MEF2A: variants seen among roughly 807,000 people sequenced by gnomAD.
MEF2A encodes myocyte-specific enhancer factor 2A.
In MEF2A, 28 loss-of-function variants were observed where a neutral mutation model predicts 55.8. The observed-to-expected ratio is 0.50, with a 90% CI of 0.37 to 0.69. The LOEUF is 0.69. MEF2A is among the 30% of genes least tolerant of loss of function. The pLI is 0.00. For synonymous variants in MEF2A, 239 were observed against 227.1 expected (o/e 1.05, Z -0.47); for missense variants, 528 against 626.2 (o/e 0.84, Z 1.67).
rs113804630 is a variant in MEF2A, at chr15:99,657,612, T to G, written c.258+11848T>G. On this transcript the variant is annotated intron_variant, in intron 4 of 11. Transcript: ENST00000557942. ...TCATTTGCCCATCTGGATAAAGCAG[T>G]TTGTAAAACTGAGATTTGGGTTCTG... is the stretch of plus-strand genomic sequence containing the variant. 7.8e-4 allele frequency: 118 copies of G among 152,170 alleles called. 1 individual carries two copies. The highest frequency in any genetic ancestry group is 2.7e-3 in the African/African-American group (113 of 41,532). 9.4% of individuals were successfully genotyped at this position (152,170 alleles called of 1,614,324 possible).
intron 3 of MEF2A, among the ~76,000 whole-genome samples, chr15:99,635,702 A>G (rs1238182632): frequency 2.0e-5 from 3 of 152,202 alleles, no homozygotes; most frequent in East Asian, 1.9e-4. Context: ...CTTTCGCACA[A>G]TATTACATTT....
chr15:99,622,702 C>CTTTTTTTTTTT (rs56054040), intron 2 of MEF2A, among the ~76,000 whole-genome samples: 16 of 135,710 alleles, frequency 1.2e-4, no homozygotes, highest in Middle Eastern at 4.3e-3. Flanking sequence ...GTTTTCTTTT[C>CTTTTTTTTTTT]TTTTTTTTTT....
chr15:99,573,833 C>A (rs1963355609), intron 1 of MEF2A, among the ~76,000 whole-genome samples: 1 of 152,158 alleles, frequency 6.6e-6, no homozygotes, highest in African/African-American at 2.4e-5. Context: ...TACAAATAGG[C>A]TTTTGGAACA....
Position 99,675,763 on chromosome 15 carries a change from C to T in MEF2A, c.670+305C>T, listed in dbSNP as rs147818754. The stretch of plus-strand genomic sequence containing the variant: ...AATTAACATATTTGTCTTGGCCGGG[C>T]GTCGTGGCTCACACCTGTAATCCCA... On this transcript the variant is annotated intron_variant, in intron 7 of 11. Transcript: ENST00000557942. Among the ~76,000 whole-genome samples the T allele has an allele frequency of 3.2e-3, 492 of 152,260 alleles. 4 individuals are homozygous for T. Among genetic ancestry groups the T allele is most frequent in the African/African-American group, 0.011 (458 of 41,550 alleles).
chr15:99,682,421 G>A (rs527339644), intron 7 of MEF2A, among the ~76,000 whole-genome samples: 7 of 152,278 alleles, frequency 4.6e-5, no homozygotes, highest in Non-Finnish European at 8.8e-5. Context: ...TGTAGATACT[G>A]TAGTTCCTAG....
At chr15:99,657,048 A>C (rs1447231642) in intron 4 of MEF2A, among the ~76,000 whole-genome samples, 1 of 152,102 alleles carries the variant, frequency 6.6e-6, no homozygotes, top group Non-Finnish European at 1.5e-5. Context: ...ATATAGATGG[A>C]GTCATGCAAT....
rs2051534278 is a variant in MEF2A at position 99,674,565 on chromosome 15, A to T, written c.563A>T (p.Asn188Ile). 2 of 1,613,980 alleles carry T rather than the reference A, an allele frequency of 1.2e-6. No homozygotes were observed. Among genetic ancestry groups the T allele is most frequent in the South Asian group, 2.2e-5 (2 of 91,084 alleles). ...LSPPQTTLHR[N>I]VSPGAPQRPP... ...CCACCTCAAACCACATTACATAGAAATGTGTCTCCTGGAGCTCCTCAGAGA... is the reference window on the plus strand; with the variant it reads ...CCACCTCAAACCACATTACATAGAATTGTGTCTCCTGGAGCTCCTCAGAGA... The change falls in exon 6 of 12, where the codon AAT becomes ATT. Residue 188 changes from asparagine to isoleucine, a missense_variant. Asn to Ile is a moderately radical substitution (Grantham distance 149). Coordinates refer to ENST00000557942, the MANE Select transcript of MEF2A (RefSeq NM_001319206.4).
rs115933886 is a variant in MEF2A, at chr15:99,700,381, A to G, written c.859-2981A>G. ...ACAAAAATTAGTCGAGTGTGGTAGGATGCCCCCATAGTCCCAGCTACTTGG... is the reference window on the plus strand; with the variant it reads ...ACAAAAATTAGTCGAGTGTGGTAGGGTGCCCCCATAGTCCCAGCTACTTGG... On this transcript the variant is annotated intron_variant, in intron 8 of 11. Coordinates refer to ENST00000557942, the MANE Select transcript of MEF2A (RefSeq NM_001319206.4). Among the ~76,000 whole-genome samples the G allele has an allele frequency of 6.9e-3, 1,044 of 151,546 alleles. 11 individuals carry two copies. The highest frequency in any genetic ancestry group is 0.024 in the African/African-American group (992 of 41,340).
At chr15:99,589,978 G>A (rs998466510) in intron 1 of MEF2A, among the ~76,000 whole-genome samples, 6 of 152,160 alleles carry the variant, frequency 3.9e-5, no homozygotes, top group Non-Finnish European at 8.8e-5. Context: ...TTCTTATGTG[G>A]TTGGTTGTAG....
At chr15:99,673,489 A>T (rs2051284451) in intron 5 of MEF2A, among the ~76,000 whole-genome samples, 1 of 152,220 alleles carries the variant, frequency 6.6e-6, no homozygotes, top group Non-Finnish European at 1.5e-5. Flanking sequence ...ACTTTGAATT[A>T]GCAGTGTTAC....
chr15:99,616,282 A>T (rs977910222), intron 2 of MEF2A, among the ~76,000 whole-genome samples: 9 of 152,238 alleles, frequency 5.9e-5, no homozygotes, highest in Non-Finnish European at 1.0e-4. Context: ...TATCCATTTT[A>T]TAATATCTGC....
chr15:99,682,443 G>A (rs1043076105), intron 7 of MEF2A, among the ~76,000 whole-genome samples: 1 of 151,882 alleles, frequency 6.6e-6, no homozygotes, highest in Non-Finnish European at 1.5e-5. Context: ...TTTGTAAACT[G>A]TGGCAAGATG....
chr15:99,682,650 C>G (rs1195359143), intron 7 of MEF2A, among the ~76,000 whole-genome samples: 1 of 152,120 alleles, frequency 6.6e-6, no homozygotes, highest in Admixed American at 6.5e-5. Context: ...ATCCTTTAAT[C>G]ATCATCTGCT....
chr15:99,576,484 CATT>C (rs1964307085), intron 1 of MEF2A, among the ~76,000 whole-genome samples: 1 of 152,022 alleles, frequency 6.6e-6, no homozygotes, highest in African/African-American at 2.4e-5. Context: ...AATGACCCAA[CATT>C]ATTTTTATTA....
chr15:99,573,620 T>C (rs986451315), intron 1 of MEF2A, among the ~76,000 whole-genome samples: 1 of 152,236 alleles, frequency 6.6e-6, no homozygotes, highest in African/African-American at 2.4e-5. Flanking sequence ...CCCTCTAGCT[T>C]ATCCAACTAA....
Position 99,710,615 on chromosome 15 carries a change from CTCTTG to C in MEF2A, c.1010-14_1010-10del. On this transcript the variant is annotated splice_polypyrimidine_tract_variant and intron_variant, in intron 10 of 11. Coordinates refer to ENST00000557942, the MANE Select transcript of MEF2A (RefSeq NM_001319206.4). ...TGGACCTTCCATCATATGCAGAGCC[CTCTTG>C]TCTTCCTTTGTAGATTATTCACTGA... The C allele has an allele frequency of 6.2e-7, 1 of 1,602,898 alleles. No homozygotes were observed. The highest frequency in any genetic ancestry group is 1.7e-5 in the Admixed American group (1 of 59,860).
chr15:99,698,177 T>C (rs188845304), intron 8 of MEF2A, among the ~76,000 whole-genome samples: 6 of 152,258 alleles, frequency 3.9e-5, no homozygotes, highest in African/African-American at 1.4e-4. Flanking sequence ...AAAAAACTGA[T>C]GTATTGGAGG....
At chr15:99,626,754 G>T (rs897596052) in intron 2 of MEF2A, among the ~76,000 whole-genome samples, 2 of 152,140 alleles carry the variant, frequency 1.3e-5, no homozygotes, top group Non-Finnish European at 2.9e-5. Context: ...TCTTTATAAA[G>T]TTGAAATTTC....
At chr15:99,697,802 A>G (rs962716593) in intron 8 of MEF2A, among the ~76,000 whole-genome samples, 6 of 152,224 alleles carry the variant, frequency 3.9e-5, no homozygotes, top group Non-Finnish European at 5.9e-5. Context: ...TTAAAAAAAT[A>G]CTACTACTAC....
Sources: gnomAD v4.1 joint callset for allele counts (sites outside exome capture counted in the v4.1 genomes callset) on GRCh38, gnomAD v4.1.1 for gene constraint, MANE v1.5 for transcripts, NCBI Gene and HGNC (gene_info 2026-07-23, HGNC 2026-07-21) for gene names.